The following PCDHA3 variants were observed in gnomAD, a reference collection of about 807,000 sequenced individuals.
The protein encoded by PCDHA3 is protocadherin alpha 3.
A neutral mutation model predicts 62.2 loss-of-function variants in PCDHA3; 41 were observed. The ratio of observed to expected loss-of-function variants is 0.66; its 90% CI spans 0.51 to 0.86. PCDHA3 has a LOEUF of 0.86. PCDHA3 is among the 40% of genes least tolerant of loss of function. The pLI is 0.00. For missense variants in PCDHA3, 1,304 were observed against 1,241.2 expected (o/e 1.05, Z -0.76); for synonymous variants, 640 against 555.4 (o/e 1.15, Z -2.14).
chr5:140,889,928 G>A (rs554679699), intron 1 of PCDHA3, among the ~76,000 whole-genome samples: 98 of 152,304 alleles, frequency 6.4e-4, no homozygotes, highest in South Asian at 1.5e-3. Context: ...AGAAGCTCAA[G>A]CTGGACTTGT....
At chr5:140,836,003 G>A (rs1456412206) in intron 1 of PCDHA3, 1 of 1,613,210 alleles carries the variant, frequency 6.2e-7, no homozygotes, top group African/African-American at 1.3e-5. Context: ...CGCGCGATGC[G>A]GGCGTGCCGC....
intron 1 of PCDHA3, among the ~76,000 whole-genome samples, chr5:140,873,728 T>C (rs1208346643): frequency 6.6e-6 from 1 of 152,190 alleles, no homozygotes; most frequent in African/African-American, 2.4e-5. Flanking sequence ...TGGCGCAATC[T>C]CAGCTCACTG....
At position 140,803,235 on chromosome 5, in the gene PCDHA3, T is replaced by A. The variant is rs782475199; in HGVS notation, c.2038T>A (p.Ser680Thr). Residue 680 changes from serine (S) to threonine (T), a missense_variant, in exon 1 of 4, where the codon TCC becomes ACC. Physicochemically the swap from Ser to Thr is moderately conservative, Grantham distance 58 (BLOSUM62 1). Transcript: ENST00000522353. ...GAGTGGCCAGGCACCCAAGGCCTCGTCCCAGGCGTCCGCTGGCGCCACGGG... is the reference window on the plus strand; with the variant it reads ...GAGTGGCCAGGCACCCAAGGCCTCGACCCAGGCGTCCGCTGGCGCCACGGG... ...VESGQAPKAS[S>T]QASAGATGPE... is the part of the protein sequence containing the mutation. 4 of 1,613,770 alleles carry A rather than the reference T, an allele frequency of 2.5e-6. No homozygotes were observed. Among genetic ancestry groups the A allele is most frequent in the South Asian group, 2.2e-5 (2 of 91,070 alleles).
Position 140,854,738 on chromosome 5 carries a change from G to A in PCDHA3, c.2394+51147G>A, listed in dbSNP as rs894422305. The A allele has an allele frequency of 8.7e-5, 13 of 149,392 alleles. 1 individual carries two copies. The East Asian group carries it at 2.5e-3, about 29-fold the overall frequency. 9.3% of individuals were successfully genotyped at this position (149,392 alleles called of 1,614,324 possible). On this transcript the variant is annotated intron_variant, in intron 1 of 3. Coordinates refer to ENST00000522353, the MANE Select transcript of PCDHA3 (RefSeq NM_018906.3). ...CAGAAAACTCAAGTTTTTTTCAGCA[G>A]CACAGATATATTACATTTTCATTCC...
chr5:140,825,591 T>A (rs1280614684), intron 1 of PCDHA3: 1 of 151,790 alleles, frequency 6.6e-6, no homozygotes, highest in African/African-American at 2.4e-5. Context: ...CCTGGCTAAT[T>A]TTTTGTATTT....
chr5:140,888,724 C>G (rs1437926423), intron 1 of PCDHA3, among the ~76,000 whole-genome samples: 6 of 151,938 alleles, frequency 3.9e-5, no homozygotes, highest in African/African-American at 1.5e-4. Flanking sequence ...ATTTCCAGCC[C>G]TTTGTGAGCT....
chr5:140,875,767 A>G, intron 1 of PCDHA3: 1 of 1,614,144 alleles, frequency 6.2e-7, no homozygotes, highest in Non-Finnish European at 8.5e-7. Context: ...GTGCGGGCGG[A>G]GCGCGGAGTG....
intron 1 of PCDHA3, among the ~76,000 whole-genome samples, chr5:140,890,753 C>A (rs1274674281): frequency 3.3e-5 from 5 of 152,114 alleles, no homozygotes; most frequent in Admixed American, 2.6e-4. Flanking sequence ...TTCTGTCATG[C>A]TTTAAAAATA....
At chr5:140,853,141 A>G in intron 1 of PCDHA3, 1 of 767,574 alleles carries the variant, frequency 1.3e-6, no homozygotes, top group Non-Finnish European at 1.6e-6. Flanking sequence ...AGCCTCCCAA[A>G]ATGCTGGGAT....
Position 140,802,742 on chromosome 5 carries a change from C to A in PCDHA3, c.1545C>A (p.Gly515=). The A allele has an allele frequency of 6.2e-7, 1 of 1,612,572 alleles. No homozygotes were observed. Among genetic ancestry groups the A allele is most frequent in the Non-Finnish European group, 8.5e-7 (1 of 1,179,800 alleles). ...SSYVSVHAES[G]KVYALQPLDH... is the part of the protein sequence containing the mutation. The stretch of plus-strand genomic sequence containing the variant: ...ACGTGTCGGTACACGCGGAGAGCGG[C>A]AAGGTGTACGCGCTGCAGCCGCTGG... Residue 515 remains glycine, a synonymous_variant, in exon 1 of 4, where the codon GGC becomes GGA. Coordinates refer to ENST00000522353, the MANE Select transcript of PCDHA3 (RefSeq NM_018906.3).
At chr5:140,841,860 T>C (rs2150324281) in intron 1 of PCDHA3, 1 of 1,613,766 alleles carries the variant, frequency 6.2e-7, no homozygotes, top group Admixed American at 1.7e-5. Context: ...TACTTCATGC[T>C]AGATGTGAAT....
At chr5:140,834,099 A>C in intron 1 of PCDHA3, 1 of 391,774 alleles carries the variant, frequency 2.6e-6, no homozygotes, top group Non-Finnish European at 4.5e-6. Context: ...CAATGAAGAA[A>C]AAAATTCAGA....
At chr5:140,969,576 G>A (rs982215577) in intron 1 of PCDHA3, 3 of 984,900 alleles carry the variant, frequency 3.0e-6, no homozygotes, top group Admixed American at 2.9e-5. Flanking sequence ...TTTGAGAAGT[G>A]AGGATTAGTC....
intron 1 of PCDHA3, among the ~76,000 whole-genome samples, chr5:140,820,991 T>C (rs1172948656): frequency 6.6e-5 from 10 of 152,194 alleles, no homozygotes; most frequent in African/African-American, 2.4e-4. Context: ...GTGTTATAGA[T>C]AAAGAAATAG....
intron 1 of PCDHA3, chr5:140,851,823 G>C (rs1554145549): frequency 1.0e-6 from 1 of 962,982 alleles, no homozygotes; most frequent in Non-Finnish European, 1.3e-6. Flanking sequence ...ACAGAAATCT[G>C]TTTTTTTAAA....
Position 140,873,293 on chromosome 5 carries a change from A to G in PCDHA3, c.2394+69702A>G, listed in dbSNP as rs189607123. Reference sequence around the variant, plus strand: ...ACCATCATACCACTTATGAAACTTTATAAATATAATAAAGGTGAATATTAG... The same window carrying G: ...ACCATCATACCACTTATGAAACTTTGTAAATATAATAAAGGTGAATATTAG... On this transcript the variant is annotated intron_variant, in intron 1 of 3. Transcript: ENST00000522353. Among the ~76,000 whole-genome samples, 54 of 152,366 alleles carry G rather than the reference A, an allele frequency of 3.5e-4. No homozygotes were observed. In the East Asian group the frequency reaches 0.01, roughly 29 times the overall value.
intron 1 of PCDHA3, among the ~76,000 whole-genome samples, chr5:140,840,107 G>A (rs2150303526): frequency 2.6e-5 from 4 of 151,884 alleles, no homozygotes; most frequent in East Asian, 1.9e-4. Flanking sequence ...TAGTGAAATC[G>A]AGTGAAAGCT....
chr5:140,883,649 A>T, intron 1 of PCDHA3: 1 of 1,613,516 alleles, frequency 6.2e-7, no homozygotes, highest in South Asian at 1.1e-5. Context: ...GCCCGAGTAC[A>T]CGGTGTTCGT....
At chr5:140,911,589 C>A (rs1583792136) in intron 1 of PCDHA3, among the ~76,000 whole-genome samples, 1 of 152,302 alleles carries the variant, frequency 6.6e-6, no homozygotes, top group Middle Eastern at 3.4e-3. Flanking sequence ...TTAGGAGGAA[C>A]CAACCAACTT....
Sources: allele counts gnomAD v4.1 joint callset (sites outside exome capture counted in the v4.1 genomes callset), GRCh38; gene constraint gnomAD v4.1.1; transcripts MANE v1.5; gene names NCBI Gene and HGNC (gene_info 2026-07-23, HGNC 2026-07-21).